NDST3: variants seen among roughly 807,000 people sequenced by gnomAD.
NDST3 encodes the protein N-deacetylase and N-sulfotransferase 3.
NDST3 carries 58 observed loss-of-function variants against 96.1 expected under a neutral mutation model. The observed-to-expected ratio is 0.60, with a 90% CI of 0.49 to 0.75. The LOEUF (loss-of-function observed/expected upper bound fraction) is 0.75, where lower values mean the gene tolerates loss of function less well. Ranked by LOEUF, NDST3 falls within the 30% of genes least tolerant of loss-of-function variation. The pLI is 0.00. For synonymous variants in NDST3, 333 were observed against 359.7 expected, an observed-to-expected ratio of 0.93 and a Z score of 0.84; for missense variants, 788 against 1,034.2, an observed-to-expected ratio of 0.76 and a Z score of 3.27.
intron 2 of NDST3, among the ~76,000 whole-genome samples, chr4:118,102,432 T>C (rs1473652402): frequency 6.6e-6 from 1 of 152,140 alleles, no homozygotes; most frequent in Non-Finnish European, 1.5e-5. Flanking sequence ...GTTTTCTGTC[T>C]GTGGTCGTGG....
At chr4:118,108,393 A>G (rs1428719637) in intron 3 of NDST3, among the ~76,000 whole-genome samples, 1 of 152,216 alleles carries the variant, frequency 6.6e-6, no homozygotes, top group Non-Finnish European at 1.5e-5. Flanking sequence ...TTTTAAAGTG[A>G]TATCATATTT....
intron 12 of NDST3, among the ~76,000 whole-genome samples, chr4:118,244,532 A>G (rs2126008986): frequency 6.6e-6 from 1 of 152,276 alleles, no homozygotes; most frequent in South Asian, 2.1e-4. Flanking sequence ...GATATAGTAA[A>G]CTGTAAACCA....
chr4:118,218,663 T>C (rs916504858), intron 6 of NDST3, among the ~76,000 whole-genome samples: 13 of 152,134 alleles, frequency 8.5e-5, no homozygotes, highest in African/African-American at 3.1e-4. Flanking sequence ...ACCACTGCTA[T>C]TCAACATAGT....
In NDST3 at chr4:118,255,752, C is replaced by G; in HGVS notation, c.*40C>G. The G allele has an allele frequency of 6.5e-7, 1 of 1,532,052 alleles. No homozygotes were observed. The highest frequency in any genetic ancestry group is 8.8e-7 in the Non-Finnish European group (1 of 1,134,690). 94.9% of individuals were successfully genotyped at this position (1,532,052 alleles called of 1,614,324 possible). On this transcript the variant is annotated 3_prime_UTR_variant, in exon 14 of 14. Coordinates refer to ENST00000296499, the MANE Select transcript of NDST3 (RefSeq NM_004784.3). ...TTGAGACTTCATCGTCCATGTAGAA[C>G]ACACCTTTTCCAAAGCTTCCAGAAG...
intron 3 of NDST3, among the ~76,000 whole-genome samples, chr4:118,109,389 C>A (rs898403382): frequency 6.6e-6 from 1 of 152,166 alleles, no homozygotes; most frequent in African/African-American, 2.4e-5. Context: ...CAAGAAAACA[C>A]TCCTGGCAAC....
intron 2 of NDST3, among the ~76,000 whole-genome samples, chr4:118,061,682 A>G (rs1057322024): frequency 2.0e-5 from 3 of 152,112 alleles, no homozygotes; most frequent in Admixed American, 6.6e-5. Flanking sequence ...TTTTTCATCT[A>G]TTTTGTTCAC....
At chr4:118,091,591 C>T (rs1470596718) in intron 2 of NDST3, among the ~76,000 whole-genome samples, 1 of 151,608 alleles carries the variant, frequency 6.6e-6, no homozygotes, top group Non-Finnish European at 1.5e-5. Context: ...CTTACTCTGA[C>T]CCCAAGCAGA....
intron 6 of NDST3, among the ~76,000 whole-genome samples, chr4:118,215,138 T>C (rs555419743): frequency 2.0e-5 from 3 of 152,036 alleles, no homozygotes; most frequent in Admixed American, 6.6e-5. Context: ...AGGAGAAAGA[T>C]AGGAATGGTA....
chr4:118,239,606 C>T lies in NDST3; in HGVS notation c.2119-918C>T, dbSNP rs1160306645. 3.3e-5 allele frequency among the ~76,000 whole-genome samples: 5 copies of T among 152,220 alleles called. No homozygotes were observed. The East Asian group carries it at 7.7e-4, about 23-fold the overall frequency. On this transcript the variant is annotated intron_variant, in intron 10 of 13. Coordinates refer to ENST00000296499, the MANE Select transcript of NDST3 (RefSeq NM_004784.3). Reference sequence around the variant, plus strand: ...AAGAAGAAAATTGGAGCTTGGCAACCACTTAGTCCCTGAAAAATAGAGAAT... The same window carrying T: ...AAGAAGAAAATTGGAGCTTGGCAACTACTTAGTCCCTGAAAAATAGAGAAT...
At chr4:118,117,292 C>T (rs1731207275) in intron 4 of NDST3, among the ~76,000 whole-genome samples, 1 of 151,938 alleles carries the variant, frequency 6.6e-6, no homozygotes, top group South Asian at 2.1e-4. Flanking sequence ...TAGCATATAA[C>T]ACTCAATAGA....
chr4:118,240,827 G>A (rs1373985806), intron 11 of NDST3, 133 bp downstream of exon 11: 17 of 781,574 alleles, frequency 2.2e-5, no homozygotes, highest in Admixed American at 3.1e-5. Flanking sequence ...TGAGGCTATG[G>A]CAAAGAGAAA....
chr4:118,250,388 T>C (rs1388608005), intron 12 of NDST3, among the ~76,000 whole-genome samples: 2 of 152,254 alleles, frequency 1.3e-5, no homozygotes, highest in Non-Finnish European at 2.9e-5. Context: ...TCATTTGTAA[T>C]TTTAATTTGT....
intron 4 of NDST3, among the ~76,000 whole-genome samples, chr4:118,129,098 C>G (rs1192843118): frequency 1.3e-5 from 2 of 151,498 alleles, no homozygotes; most frequent in African/African-American, 4.8e-5. Flanking sequence ...GTTAATCTGG[C>G]TAATGGTTTG....
intron 6 of NDST3, among the ~76,000 whole-genome samples, chr4:118,166,937 A>G (rs1735592236): frequency 6.6e-6 from 1 of 151,810 alleles, no homozygotes; most frequent in Admixed American, 6.6e-5. Context: ...CCCACAAGTA[A>G]CCTCATTCTT....
At chr4:118,116,624 G>A (rs1195307716) in intron 4 of NDST3, among the ~76,000 whole-genome samples, 2 of 152,106 alleles carry the variant, frequency 1.3e-5, no homozygotes, top group East Asian at 1.9e-4. Context: ...TTGGGAGGCC[G>A]AGGTGGGCGG....
At chr4:118,039,309 G>A (rs899008490) in intron 1 of NDST3, among the ~76,000 whole-genome samples, 8 of 152,202 alleles carry the variant, frequency 5.3e-5, no homozygotes, top group African/African-American at 1.9e-4. Context: ...TTTGAGGCCA[G>A]TGTGACTGAT....
At chr4:118,051,040 A>C (rs908725904) in intron 1 of NDST3, among the ~76,000 whole-genome samples, 4 of 152,156 alleles carry the variant, frequency 2.6e-5, no homozygotes, top group Admixed American at 6.5e-5. Context: ...CCAATGGAAC[A>C]CAATAGAAAA....
At chr4:118,209,467 T>C (rs572631773) in intron 6 of NDST3, among the ~76,000 whole-genome samples, 1 of 152,322 alleles carries the variant, frequency 6.6e-6, no homozygotes, top group South Asian at 2.1e-4. Flanking sequence ...ACTGGAGATG[T>C]TCTCATGACA....
chr4:118,141,720 A>T (rs1733587583), intron 5 of NDST3, among the ~76,000 whole-genome samples: 1 of 152,200 alleles, frequency 6.6e-6, no homozygotes, highest in South Asian at 2.1e-4. Flanking sequence ...GTTAAATGCC[A>T]TTTAACACGT....
Sources: gnomAD v4.1 joint callset for allele counts (sites outside exome capture counted in the v4.1 genomes callset) on GRCh38, gnomAD v4.1.1 for gene constraint, MANE v1.5 for transcripts, NCBI Gene and HGNC (gene_info 2026-07-23, HGNC 2026-07-21) for gene names.